Variants in RGS22 observed in about 807,000 individuals in gnomAD.
RGS22 encodes regulator of G-protein signaling 22.
In RGS22, 148 loss-of-function variants were observed where a neutral mutation model predicts 172.9. The ratio of observed to expected loss-of-function variants is 0.86; its 90% confidence interval spans 0.75 to 0.98. The LOEUF (loss-of-function observed/expected upper bound fraction) is 0.98, where lower values mean the gene tolerates loss of function less well. Ranked by LOEUF, RGS22 falls within the 50% of genes least tolerant of loss-of-function variation. The probability of loss-of-function intolerance (pLI) is 0.00; values close to 1 mark genes in which losing one functional copy is unlikely to be tolerated. For synonymous variants in RGS22, 458 were observed against 480.2 expected (o/e 0.95, Z 0.60); for missense variants, 1,347 against 1,440.8 (o/e 0.93, Z 1.05).
Position 100,080,553 on chromosome 8 carries a change from C to A in RGS22, c.118-198G>T, listed in dbSNP as rs1006149335. 1.5e-5 allele frequency: 8 copies of A among 539,898 alleles called. No homozygotes were observed. In the Admixed American group the frequency reaches 2.0e-4, roughly 14 times the overall value. 33.4% of individuals were successfully genotyped at this position (539,898 alleles called of 1,614,324 possible). A position where few individuals can be genotyped will look rare whatever the true frequency, so the allele number is the denominator to read the frequency against. ...CCCACTAAACTCTTCCTTGCCAATG[C>A]ACTTATGCCACGAGTAAGTGTCAGG... On this transcript the variant is annotated intron_variant, in intron 3 of 27. Coordinates refer to ENST00000360863, the MANE Select transcript of RGS22 (RefSeq NM_015668.5).
At chr8:100,087,421 G>T (rs889005187) in intron 3 of RGS22, among the ~76,000 whole-genome samples, 1 of 152,084 alleles carries the variant, frequency 6.6e-6, no homozygotes, top group African/African-American at 2.4e-5. Flanking sequence ...TCATCCATGT[G>T]TGAAAAATAT....
intron 14 of RGS22, among the ~76,000 whole-genome samples, chr8:100,012,074 C>T (rs1258248386): frequency 6.6e-6 from 1 of 151,520 alleles, no homozygotes; most frequent in Admixed American, 6.6e-5. Flanking sequence ...CAGGAGACAG[C>T]AATAAATGGT....
In RGS22 at chr8:100,103,196, T is replaced by C. The variant is rs535877519; in HGVS notation, c.54+2178A>G. Among the ~76,000 whole-genome samples the C allele has an allele frequency of 6.6e-5, 10 of 152,306 alleles. No individual in the cohort carries two copies. The East Asian group carries it at 1.9e-3, about 29-fold the overall frequency. ...AGCAAAGGAATAGGAAGTAATCTAATACAACTGATGCTCAGGAGCTTGAAT... is the reference window on the plus strand; with the variant it reads ...AGCAAAGGAATAGGAAGTAATCTAACACAACTGATGCTCAGGAGCTTGAAT... On this transcript the variant is annotated intron_variant, in intron 2 of 27. Transcript: ENST00000360863.
intron 14 of RGS22, chr8:100,023,955 C>T (rs1224604324): frequency 6.6e-6 from 1 of 152,578 alleles, no homozygotes; most frequent in Admixed American, 6.6e-5. Context: ...ATTAAGAGCT[C>T]CCTTTTTTTG....
chr8:100,016,771 C>T (rs1037074373), intron 14 of RGS22, among the ~76,000 whole-genome samples: 4 of 151,744 alleles, frequency 2.6e-5, no homozygotes, highest in Non-Finnish European at 4.4e-5. Context: ...AGCAAGACTC[C>T]GTCTCAAAAA....
chr8:100,008,570 C>T lies in RGS22; in HGVS notation c.2167-1G>A. 6.2e-7 allele frequency: 1 copy of T among 1,605,318 alleles called. No individual in the cohort carries two copies. The highest frequency in any genetic ancestry group is 8.5e-7 in the Non-Finnish European group (1 of 1,176,732). On this transcript the variant is annotated splice_acceptor_variant, in intron 14 of 27. Coordinates refer to ENST00000360863, the MANE Select transcript of RGS22 (RefSeq NM_015668.5). LOFTEE classifies it high-confidence loss of function. ...GAGCAACGTATGTGGCAAAAAGATA[C>T]TGAAGGAGAAGAGGGAAGAAGGGAG...
intron 16 of RGS22, among the ~76,000 whole-genome samples, chr8:100,005,637 T>C (rs1448564498): frequency 7.2e-5 from 11 of 152,234 alleles, no homozygotes; most frequent in Non-Finnish European, 1.5e-4. Context: ...CAACAGTTTC[T>C]TTTCTGTTTA....
chr8:100,090,177 T>C (rs551439907), intron 3 of RGS22, among the ~76,000 whole-genome samples: 1 of 152,304 alleles, frequency 6.6e-6, no homozygotes, highest in African/African-American at 2.4e-5. Flanking sequence ...CCTCACTTGA[T>C]AATAATTTTG....
chr8:100,025,739 C>A (rs1256739385), intron 14 of RGS22, among the ~76,000 whole-genome samples: 1 of 152,202 alleles, frequency 6.6e-6, no homozygotes. Flanking sequence ...TTCAACACTG[C>A]CCCACTTATG....
chr8:100,013,467 C>T (rs1816634696), intron 14 of RGS22, among the ~76,000 whole-genome samples: 1 of 152,098 alleles, frequency 6.6e-6, no homozygotes, highest in Admixed American at 6.6e-5. Flanking sequence ...AGATTTAGTG[C>T]TACTCTAAGT....
At chr8:100,057,000 A>T (rs757589066) in intron 9 of RGS22, among the ~76,000 whole-genome samples, 5 of 152,202 alleles carry the variant, frequency 3.3e-5, no homozygotes, top group Non-Finnish European at 7.3e-5. Flanking sequence ...GTCGGGAGGG[A>T]GGCCATACAC....
In RGS22 at chr8:100,052,871, A is replaced by G. The variant is rs912431503; in HGVS notation, c.1620T>C (p.Pro540=). 7.4e-6 allele frequency: 12 copies of G among 1,613,996 alleles called. No homozygotes were observed. Among genetic ancestry groups the G allele is most frequent in the Admixed American group, 5.0e-5 (3 of 59,994 alleles). Residue 540 remains proline, a synonymous_variant, in exon 10 of 28, where the codon CCT becomes CCC. Coordinates refer to ENST00000360863, the MANE Select transcript of RGS22 (RefSeq NM_015668.5). ...GCAAGAGGGTTGCCATTTGTGGAAA[A>G]GGGTCAATATCCTTCCTTGGTTTTG... ...RQAKPRKDID[P]FPQMATLLPL...
At chr8:100,028,052 C>G (rs1342431866) in intron 14 of RGS22, among the ~76,000 whole-genome samples, 1 of 151,920 alleles carries the variant, frequency 6.6e-6, no homozygotes, top group Non-Finnish European at 1.5e-5. Flanking sequence ...TGTGTATAAC[C>G]CTTCATAGAC....
At position 100,097,889 on chromosome 8, in the gene RGS22, T is replaced by C. The variant is rs1383548773; in HGVS notation, c.55-4380A>G. On this transcript the variant is annotated intron_variant, in intron 2 of 27. Transcript: ENST00000360863. ...CTCATTTAATACAAGGGATCCATTGTTCCCCCAATCTCCAATCCTTTTCTA... is the reference window on the plus strand; with the variant it reads ...CTCATTTAATACAAGGGATCCATTGCTCCCCCAATCTCCAATCCTTTTCTA... Among the ~76,000 whole-genome samples, 12 of 152,190 alleles carry C rather than the reference T, an allele frequency of 7.9e-5. 1 individual carries two copies. Among genetic ancestry groups the C allele is most frequent in the Admixed American group, 7.9e-4 (12 of 15,274 alleles).
chr8:100,060,399 CGT>C (rs1292755273), intron 9 of RGS22, among the ~76,000 whole-genome samples: 3 of 68,296 alleles, frequency 4.4e-5, no homozygotes, highest in Non-Finnish European at 7.0e-5. Context: ...ACTTTAGCTA[CGT>C]GTATATATAT....
intron 24 of RGS22, 27 bp from the exon 25 acceptor site, chr8:99,963,005 T>C: frequency 6.6e-7 from 1 of 1,524,786 alleles, no homozygotes; most frequent in Non-Finnish European, 8.8e-7. Flanking sequence ...TCAAAGTTAA[T>C]TCTGAAATGT....
intron 14 of RGS22, among the ~76,000 whole-genome samples, chr8:100,032,611 G>C (rs906759020): frequency 1.3e-5 from 2 of 152,150 alleles, no homozygotes; most frequent in African/African-American, 4.8e-5. Flanking sequence ...AGATCAATGA[G>C]ACAGAAGGTT....
chr8:99,991,457 C>T (rs1002031443), intron 20 of RGS22, among the ~76,000 whole-genome samples: 9 of 152,170 alleles, frequency 5.9e-5, no homozygotes, highest in Admixed American at 4.6e-4. Context: ...GGCACGAGAA[C>T]TTCGCGACGC....
intron 6 of RGS22, 104 bp from the exon 7 acceptor site, chr8:100,066,400 T>C: frequency 1.2e-6 from 1 of 832,056 alleles, no homozygotes; most frequent in East Asian, 2.7e-5. Context: ...CACAGTACAA[T>C]ATGTAAAGTG....
Sources: allele counts gnomAD v4.1 joint callset (sites outside exome capture counted in the v4.1 genomes callset), GRCh38; gene constraint gnomAD v4.1.1; transcripts MANE v1.5; gene names NCBI Gene and HGNC (gene_info 2026-07-23, HGNC 2026-07-21).